Variants in RAD52 observed in about 807,000 individuals in gnomAD.
RAD52 encodes the protein DNA repair protein RAD52 homolog.
Under a neutral mutation model 55.5 loss-of-function variants are expected in RAD52, and 47 were observed. That is an observed-to-expected ratio of 0.85 (90% CI 0.67 to 1.08). The LOEUF (loss-of-function observed/expected upper bound fraction) is 1.08, where lower values mean the gene tolerates loss of function less well. Among genes scored for constraint, RAD52 ranks in the 50% least tolerant of loss-of-function variants. The pLI is 0.00. For missense variants in RAD52, 468 were observed against 522.8 expected (o/e 0.90, Z 1.02); for synonymous variants, 184 against 198.9 (o/e 0.92, Z 0.63).
chr12:962,732 G>A (rs760006882), intron 1 of RAD52, among the ~76,000 whole-genome samples: 16 of 151,398 alleles, frequency 1.1e-4, no homozygotes, highest in Non-Finnish European at 2.1e-4. Flanking sequence ...TTATTTTCCT[G>A]AGGCAGGGTC....
In RAD52 at chr12:920,372, T is replaced by C. The variant is rs1372349448; in HGVS notation, c.544-3552A>G. ...GATATCGAGACCATCCTGGCTAACA[T>C]GGTGAAACCCCGTCTCTACTAAAAA... On this transcript the variant is annotated intron_variant, in intron 7 of 11. Transcript: ENST00000358495. 7.9e-5 allele frequency among the ~76,000 whole-genome samples: 8 copies of C among 100,896 alleles called. 1 individual carries two copies. Among genetic ancestry groups the C allele is most frequent in the Non-Finnish European group, 1.0e-4 (5 of 47,868 alleles). The allele number at this position is 100,896 out of a possible 152,430, so 66.2% of individuals were successfully genotyped here. A position where few individuals can be genotyped will look rare whatever the true frequency, so the allele number is the denominator to read the frequency against.
chr12:916,863 G>GC (rs769246228), intron 7 of RAD52, 43 bp from the exon 8 acceptor site: 11 of 1,571,946 alleles, frequency 7.0e-6, no homozygotes, highest in Non-Finnish European at 9.5e-6. Flanking sequence ...ACTGGCTCTT[G>GC]CCCTCCGCTG....
chr12:971,017 T>C (rs979859453), intron 1 of RAD52, among the ~76,000 whole-genome samples: 1 of 152,240 alleles, frequency 6.6e-6, no homozygotes, highest in South Asian at 2.1e-4. Flanking sequence ...TTTATGTGCA[T>C]ATGTCACCAT....
upstream of RAD52, among the ~76,000 whole-genome samples, chr12:952,674 CCAGCCTGGCCAGTTCGAGAT>C (rs1426304702): frequency 2.0e-5 from 3 of 151,162 alleles, no homozygotes; most frequent in Non-Finnish European, 4.4e-5. Context: ...ATCGCCTTGA[CCAGCCTGGCCAGTTCGAGAT>C]CAGCCTGGCC....
intron 1 of RAD52, among the ~76,000 whole-genome samples, chr12:939,215 C>T (rs780818196): frequency 6.6e-6 from 1 of 151,884 alleles, no homozygotes; most frequent in Non-Finnish European, 1.5e-5. Context: ...TGCAGTGAGG[C>T]GATCATGGCT....
chr12:956,146 A>G (rs774090487), intron 1 of RAD52, among the ~76,000 whole-genome samples: 1 of 152,156 alleles, frequency 6.6e-6, no homozygotes, highest in Non-Finnish European at 1.5e-5. Context: ...TGCAAGTGGA[A>G]GTCTTCTGGG....
rs1024089154 is a variant in RAD52, at chr12:914,653, G to C, written c.866-121C>G. The C allele has an allele frequency of 8.2e-4, 964 of 1,171,554 alleles. 1 individual carries two copies. The highest frequency in any genetic ancestry group is 1.1e-3 in the Middle Eastern group (4 of 3,572). The allele number at this position is 1,171,554 out of a possible 1,614,324, so 72.6% of individuals were successfully genotyped here. A position where few individuals can be genotyped will look rare whatever the true frequency, so the allele number is the denominator to read the frequency against. On this transcript the variant is annotated intron_variant, in intron 9 of 11. Transcript: ENST00000358495. The stretch of plus-strand genomic sequence containing the variant: ...CTCTCCGAAGCACAACACCGCTTAG[G>C]GCTGCGCTGCTTCTGCCAGTAAAAA...
intron 2 of RAD52, among the ~76,000 whole-genome samples, chr12:932,096 T>C (rs947394348): frequency 2.0e-5 from 3 of 152,192 alleles, no homozygotes; most frequent in African/African-American, 7.2e-5. Context: ...CGGTGGCTCA[T>C]GCCTGTAATT....
intron 1 of RAD52, among the ~76,000 whole-genome samples, chr12:972,000 G>A (rs969650264): frequency 2.0e-5 from 3 of 152,004 alleles, no homozygotes; most frequent in Non-Finnish European, 1.5e-5. Context: ...CGCCCGCCTC[G>A]GCCTCCCAAA....
chr12:921,098 A>T (rs1039465467), intron 7 of RAD52, among the ~76,000 whole-genome samples: 2 of 152,162 alleles, frequency 1.3e-5, no homozygotes, highest in Non-Finnish European at 2.9e-5. Flanking sequence ...ATGATACTAC[A>T]ACACAACCTA....
In RAD52 at chr12:957,676, G is replaced by C. The variant is rs559394821; in HGVS notation, c.-18-24600C>G. Among the ~76,000 whole-genome samples the C allele has an allele frequency of 2.0e-5, 3 of 151,612 alleles. No homozygotes were observed. The South Asian group carries it at 6.3e-4, about 32-fold the overall frequency. ...GTGGTGGCACACACCTGTGGTCCCAGCTACTTTGGAGGCTGAAGCACAAGA... is the reference window on the plus strand; with the variant it reads ...GTGGTGGCACACACCTGTGGTCCCACCTACTTTGGAGGCTGAAGCACAAGA... On this transcript the variant is annotated intron_variant, in intron 1 of 11. Coordinates refer to the RAD52 transcript ENST00000430095.
chr12:936,485 TA>T (rs71055107), intron 1 of RAD52, among the ~76,000 whole-genome samples: 52 of 134,370 alleles, frequency 3.9e-4, no homozygotes, highest in Admixed American at 5.4e-4. Flanking sequence ...ATTATAAAAG[TA>T]AAAAAAAAAA....
upstream of RAD52, among the ~76,000 whole-genome samples, chr12:952,188 T>C (rs1037661180): frequency 6.6e-6 from 1 of 152,182 alleles, no homozygotes; most frequent in African/African-American, 2.4e-5. Context: ...GGTCTTGAAC[T>C]CCTAGCCTCA....
intron 1 of RAD52, among the ~76,000 whole-genome samples, chr12:971,318 G>A (rs761154167): frequency 6.6e-6 from 1 of 151,912 alleles, no homozygotes; most frequent in East Asian, 1.9e-4. Flanking sequence ...TAGTCATTGA[G>A]CCAGAAAAGA....
intron 1 of RAD52, among the ~76,000 whole-genome samples, chr12:936,569 T>C (rs1381058494): frequency 6.6e-6 from 1 of 151,660 alleles, no homozygotes; most frequent in African/African-American, 2.4e-5. Flanking sequence ...CATAGCATAC[T>C]GTAACCTTGA....
In RAD52 at chr12:927,722, C is replaced by T. The variant is rs561869440; in HGVS notation, c.349-459G>A. ...CTCTACTAAAAATACAAAAATTAGCCGGGTGTGGTGGTGGGCACCTGTAAT... is the reference window on the plus strand; with the variant it reads ...CTCTACTAAAAATACAAAAATTAGCTGGGTGTGGTGGTGGGCACCTGTAAT... On this transcript the variant is annotated intron_variant, in intron 5 of 11. Coordinates refer to ENST00000358495, the MANE Select transcript of RAD52 (RefSeq NM_134424.4). Among the ~76,000 whole-genome samples the T allele has an allele frequency of 5.1e-4, 78 of 152,044 alleles. 1 individual carries two copies. In the East Asian group the frequency reaches 0.013, roughly 25 times the overall value.
chr12:922,123 A>G (rs1009375798), intron 7 of RAD52, among the ~76,000 whole-genome samples: 4 of 83,510 alleles, frequency 4.8e-5, no homozygotes. Context: ...AAATATGGTC[A>G]ACATCACTAA....
chr12:964,509 G>A (rs1592477242), intron 1 of RAD52, among the ~76,000 whole-genome samples: 2 of 151,904 alleles, frequency 1.3e-5, no homozygotes, highest in African/African-American at 4.8e-5. Flanking sequence ...TGGAGGTGGC[G>A]GTGATCTGAG....
chr12:951,493 A>G, upstream of RAD52, among the ~76,000 whole-genome samples: 1 of 151,924 alleles, frequency 6.6e-6, no homozygotes, highest in East Asian at 1.9e-4. Flanking sequence ...TAGGATAGTA[A>G]CCCCTTATTG....
Sources: gnomAD v4.1 joint callset for allele counts (sites outside exome capture counted in the v4.1 genomes callset) on GRCh38, gnomAD v4.1.1 for gene constraint, MANE v1.5 for transcripts, NCBI Gene and HGNC (gene_info 2026-07-23, HGNC 2026-07-21) for gene names.